Variants in LUC7L observed in about 807,000 individuals in gnomAD.
The protein encoded by LUC7L is putative RNA-binding protein Luc7-like 1.
A neutral mutation model predicts 51.1 loss-of-function variants in LUC7L; 29 were observed. The observed-to-expected ratio is 0.57, with a 90% CI of 0.42 to 0.77. LUC7L has a LOEUF of 0.77. LUC7L is among the 30% of genes least tolerant of loss of function. The probability of loss-of-function intolerance (pLI) is 0.00; values close to 1 mark genes in which losing one functional copy is unlikely to be tolerated. For synonymous variants in LUC7L, 181 were observed against 180.7 expected, an observed-to-expected ratio of 1.00 and a Z score of -0.01; for missense variants, 403 against 511.9, an observed-to-expected ratio of 0.79 and a Z score of 2.05.
At chr16:199,562 C>G (rs1021867770) in intron 5 of LUC7L, among the ~76,000 whole-genome samples, 1 of 150,908 alleles carries the variant, frequency 6.6e-6, no homozygotes, top group Non-Finnish European at 1.5e-5. Context: ...ACCTGAGGTC[C>G]GGAGTTCAAG....
chr16:189,095 A>G lies in LUC7L; in HGVS notation c.*103T>C, dbSNP rs2048940383. On this transcript the variant is annotated 3_prime_UTR_variant, in exon 10 of 10. Transcript: ENST00000293872. ...CTCACAGCTAGCTCCAAAACAATAG[A>G]AATTTTAAACTACAAAAGATGAGTT... is the stretch of plus-strand genomic sequence containing the variant. The G allele has an allele frequency of 1.5e-6, 2 of 1,314,610 alleles. No homozygotes were observed. Among genetic ancestry groups the G allele is most frequent in the South Asian group, 1.4e-5 (1 of 71,746 alleles). The allele number at this position is 1,314,610 out of a possible 1,614,324, so 81.4% of individuals were successfully genotyped here. A position where few individuals can be genotyped will look rare whatever the true frequency, so the allele number is the denominator to read the frequency against.
chr16:203,797 A>C (rs1052998490), intron 5 of LUC7L, among the ~76,000 whole-genome samples: 1 of 151,988 alleles, frequency 6.6e-6, no homozygotes, highest in Non-Finnish European at 1.5e-5. Flanking sequence ...CAGGCGGATC[A>C]TGAGGTCAGG....
intron 1 of LUC7L, chr16:228,621 A>G: frequency 8.4e-7 from 1 of 1,186,680 alleles, no homozygotes; most frequent in Non-Finnish European, 1.1e-6. Flanking sequence ...CAGCAGGTAT[A>G]TAGTTTTGCA....
intron 4 of LUC7L, 24 bp downstream of exon 4, chr16:208,054 G>T: frequency 1.3e-6 from 2 of 1,531,960 alleles, no homozygotes; most frequent in South Asian, 1.2e-5. Flanking sequence ...GAACACACCA[G>T]ACACCGAAGC....
intron 5 of LUC7L, among the ~76,000 whole-genome samples, chr16:204,179 C>T (rs1450007647): frequency 2.0e-5 from 3 of 151,966 alleles, no homozygotes; most frequent in Non-Finnish European, 4.4e-5. Flanking sequence ...CGAAGTGGCT[C>T]ACGCCTGTGA....
chr16:225,909 T>C (rs901216514), intron 2 of LUC7L, among the ~76,000 whole-genome samples: 3 of 152,230 alleles, frequency 2.0e-5, no homozygotes, highest in African/African-American at 7.2e-5. Context: ...GAAAACATGG[T>C]TGAAATCTTC....
rs763107139 is a variant in LUC7L, at chr16:208,031, C to T, written c.366+47G>A. ...CTCAAAAAAAAAAGCTATTGACAAG[C>T]CAGTATTTTTAAGAACACACCAGAC... is the stretch of plus-strand genomic sequence containing the variant. On this transcript the variant is annotated intron_variant, in intron 4 of 9. Transcript: ENST00000293872. The T allele has an allele frequency of 6.7e-6, 9 of 1,347,258 alleles. No individual in the cohort carries two copies. The East Asian group carries it at 1.4e-4, about 21-fold the overall frequency. The allele number at this position is 1,347,258 out of a possible 1,614,324, so 83.5% of individuals were successfully genotyped here. A position where few individuals can be genotyped will look rare whatever the true frequency, so the allele number is the denominator to read the frequency against.
intron 7 of LUC7L, among the ~76,000 whole-genome samples, chr16:191,625 T>C (rs2049012658): frequency 6.6e-6 from 1 of 152,160 alleles, no homozygotes; most frequent in Non-Finnish European, 1.5e-5. Context: ...GGCAGGCAGA[T>C]CATGAGGTCA....
rs2048961782 is a variant in LUC7L, at chr16:189,820, A to G, written c.974+148T>C. 11 of 1,439,544 alleles carry G rather than the reference A, an allele frequency of 7.6e-6. No individual in the cohort carries two copies. In the South Asian group the frequency reaches 1.6e-4, roughly 21 times the overall value. 89.2% of individuals were successfully genotyped at this position (1,439,544 alleles called of 1,614,324 possible). A position where few individuals can be genotyped will look rare whatever the true frequency, so the allele number is the denominator to read the frequency against. ...CTCCACAGCCCTCTCGCCTCTTCCC[A>G]CACCTGAGTCCCGTTCACGACTCCC... On this transcript the variant is annotated intron_variant, in intron 9 of 9. Transcript: ENST00000293872.
At chr16:218,197 A>T (rs532346232) in intron 3 of LUC7L, among the ~76,000 whole-genome samples, 1 of 151,964 alleles carries the variant, frequency 6.6e-6, no homozygotes, top group East Asian at 1.9e-4. Flanking sequence ...CCGTCTCAAA[A>T]AAAAAAAAGG....
intron 5 of LUC7L, 29 bp downstream of exon 5, chr16:205,975 T>C: frequency 6.3e-7 from 1 of 1,589,770 alleles, no homozygotes; most frequent in Non-Finnish European, 8.5e-7. Context: ...CTAAGATTTC[T>C]CTTGCCCTAA....
chr16:219,924 T>TA (rs1288302773), intron 3 of LUC7L, among the ~76,000 whole-genome samples: 1 of 151,350 alleles, frequency 6.6e-6, no homozygotes, highest in African/African-American at 2.4e-5. Flanking sequence ...TACTGAGTAC[T>TA]AAAAAAATGC....
At chr16:218,365 C>T (rs774635662) in intron 3 of LUC7L, among the ~76,000 whole-genome samples, 2 of 152,170 alleles carry the variant, frequency 1.3e-5, no homozygotes, top group Non-Finnish European at 2.9e-5. Context: ...CTACTAACCT[C>T]TGGTCATACT....
Position 215,716 on chromosome 16 carries a change from T to C in LUC7L, c.255+4933A>G, listed in dbSNP as rs545281383. Among the ~76,000 whole-genome samples, 73 of 150,534 alleles carry C rather than the reference T, an allele frequency of 4.8e-4. 1 individual carries two copies. The South Asian group carries it at 0.013, about 27-fold the overall frequency. ...TACTCAGGAGGCTGCGGTGGGAAAATTGCTTGAACCGGGAAGGCAGAGATG... is the reference window on the plus strand; with the variant it reads ...TACTCAGGAGGCTGCGGTGGGAAAACTGCTTGAACCGGGAAGGCAGAGATG... On this transcript the variant is annotated intron_variant, in intron 3 of 9. Transcript: ENST00000293872.
chr16:213,597 T>TC (rs2049704668), intron 3 of LUC7L, among the ~76,000 whole-genome samples: 1 of 151,772 alleles, frequency 6.6e-6, no homozygotes, highest in South Asian at 2.1e-4. Flanking sequence ...TAGAGACAGG[T>TC]TATCACCATG....
intron 2 of LUC7L, among the ~76,000 whole-genome samples, chr16:223,794 C>G (rs1040179368): frequency 1.3e-5 from 2 of 151,938 alleles, no homozygotes; most frequent in Admixed American, 1.3e-4. Context: ...CTCAGCCTCC[C>G]GAATAGCTGG....
chr16:228,294 T>C, intron 1 of LUC7L: 1 of 1,302,492 alleles, frequency 7.7e-7, no homozygotes. Flanking sequence ...AAGCAAACAC[T>C]TTTTTGTTAT....
At chr16:228,960 G>A (rs1329198144) in intron 1 of LUC7L, 6 of 1,414,494 alleles carry the variant, frequency 4.2e-6, no homozygotes, top group Admixed American at 2.2e-5. Flanking sequence ...CCAGCCCTCC[G>A]CCGACTCCAC....
intron 5 of LUC7L, among the ~76,000 whole-genome samples, chr16:203,286 C>G (rs2049384901): frequency 6.6e-6 from 1 of 152,198 alleles, no homozygotes; most frequent in African/African-American, 2.4e-5. Flanking sequence ...CTGGTGAATT[C>G]TACCAAAGCA....
Sources: allele counts gnomAD v4.1 joint callset (sites outside exome capture counted in the v4.1 genomes callset), GRCh38; gene constraint gnomAD v4.1.1; transcripts MANE v1.5; gene names NCBI Gene and HGNC (gene_info 2026-07-23, HGNC 2026-07-21).